CDH20: variants seen among roughly 807,000 people sequenced by gnomAD.
CDH20 encodes cadherin 20, also known as cadherin-20.
Under a neutral mutation model 74.2 loss-of-function variants are expected in CDH20, and 29 were observed. The ratio of observed to expected loss-of-function variants is 0.39; its 90% CI spans 0.29 to 0.53. The LOEUF (loss-of-function observed/expected upper bound fraction) is 0.53, where lower values mean the gene tolerates loss of function less well. Among genes scored for constraint, CDH20 ranks in the 20% least tolerant of loss-of-function variants. The probability of loss-of-function intolerance (pLI) is 0.69; values close to 1 mark genes in which losing one functional copy is unlikely to be tolerated. For missense variants in CDH20, 988 were observed against 1,048.3 expected, an observed-to-expected ratio of 0.94 and a Z score of 0.79; for synonymous variants, 469 against 405.4, an observed-to-expected ratio of 1.16 and a Z score of -1.88.
intron 1 of CDH20, among the ~76,000 whole-genome samples, chr18:61,479,326 G>A (rs1365738558): frequency 3.3e-5 from 5 of 151,930 alleles, no homozygotes; most frequent in African/African-American, 1.2e-4. Context: ...TTATTTATTC[G>A]AGTATTTGCC....
chr18:61,527,366 A>AATAGACAGATAGATAGATAGATAGATG (rs1555683331), intron 6 of CDH20, among the ~76,000 whole-genome samples: 3 of 142,054 alleles, frequency 2.1e-5, no homozygotes, highest in Non-Finnish European at 4.6e-5. Flanking sequence ...TGAATATTCT[A>AATAGACAGATAGATAGATAGATAGATG]ATAGATAGAT....
chr18:61,386,035 A>T (rs1911588454), intron 1 of CDH20, among the ~76,000 whole-genome samples: 1 of 152,200 alleles, frequency 6.6e-6, no homozygotes, highest in South Asian at 2.1e-4. Flanking sequence ...CTTAAAAAAT[A>T]AGGTATGCTT....
intron 1 of CDH20, among the ~76,000 whole-genome samples, chr18:61,454,725 A>G (rs908294467): frequency 1.3e-5 from 2 of 152,116 alleles, no homozygotes; most frequent in Non-Finnish European, 2.9e-5. Context: ...AGCCACCTCC[A>G]ATCATCTTAT....
At chr18:61,441,561 T>C (rs59162850) in intron 1 of CDH20, among the ~76,000 whole-genome samples, 2,699 of 152,252 alleles carry the variant, frequency 0.018, 70 homozygotes, top group African/African-American at 0.06. Flanking sequence ...ATAAATTATA[T>C]TGAAGATAGT....
At chr18:61,497,922 TTAAC>T (rs1018940870) in intron 2 of CDH20, among the ~76,000 whole-genome samples, 3 of 152,120 alleles carry the variant, frequency 2.0e-5, no homozygotes, top group Admixed American at 6.5e-5. Context: ...CTGACTAAAT[TTAAC>T]TAACTGTTTT....
intron 1 of CDH20, among the ~76,000 whole-genome samples, chr18:61,371,857 C>T (rs1322708628): frequency 6.6e-6 from 1 of 152,070 alleles, no homozygotes; most frequent in Non-Finnish European, 1.5e-5. Context: ...ATAGATGACT[C>T]CAGTAGAGGA....
chr18:61,436,413 C>T (rs940202771), intron 1 of CDH20, among the ~76,000 whole-genome samples: 4 of 152,190 alleles, frequency 2.6e-5, no homozygotes, highest in Non-Finnish European at 4.4e-5. Flanking sequence ...TCCTCACCAA[C>T]ACTTGTTATT....
chr18:61,517,960 C>T (rs1256363497), intron 6 of CDH20, among the ~76,000 whole-genome samples: 1 of 152,134 alleles, frequency 6.6e-6, no homozygotes, highest in East Asian at 1.9e-4. Flanking sequence ...TTACTGAAGA[C>T]TGAGTAGGCA....
At chr18:61,530,007 C>A (rs554803382) in intron 7 of CDH20, among the ~76,000 whole-genome samples, 2 of 152,232 alleles carry the variant, frequency 1.3e-5, no homozygotes, top group South Asian at 2.1e-4. Context: ...TGTTCTGGGG[C>A]AGGACTGCAG....
Position 61,490,774 on chromosome 18 carries a change from G to A in CDH20, c.221G>A (p.Gly74Glu). ...TTTTTCGTTCTGGAAGAGTACACTG[G>A]GACCGACCCTTTGTATGTCGGCAAG... ...NQFFVLEEYTGTDPLYVGKLH... is the reference protein window; with the variant it reads ...NQFFVLEEYTETDPLYVGKLH... Residue 74 changes from glycine (G) to glutamate (E), a missense_variant, in exon 2 of 12, where the codon GGG becomes GAG. Transcript: ENST00000262717. 1 of 1,614,100 alleles carries A rather than the reference G, an allele frequency of 6.2e-7. No individual in the cohort carries two copies. Among genetic ancestry groups the A allele is most frequent in the African/African-American group, 1.3e-5 (1 of 75,038 alleles).
At chr18:61,525,105 G>A (rs1912344624) in intron 6 of CDH20, among the ~76,000 whole-genome samples, 1 of 152,024 alleles carries the variant, frequency 6.6e-6, no homozygotes, top group African/African-American at 2.4e-5. Flanking sequence ...GAGGGGAGAG[G>A]TTGACTACAA....
At chr18:61,389,098 C>A (rs970486805) in intron 1 of CDH20, among the ~76,000 whole-genome samples, 9 of 152,194 alleles carry the variant, frequency 5.9e-5, no homozygotes, top group African/African-American at 2.2e-4. Flanking sequence ...AAGGACACTG[C>A]TGCAGGATGG....
intron 1 of CDH20, among the ~76,000 whole-genome samples, chr18:61,456,827 A>C (rs977611652): frequency 1.3e-5 from 2 of 152,124 alleles, no homozygotes; most frequent in Non-Finnish European, 2.9e-5. Flanking sequence ...GTGTCTGGTG[A>C]GGGTTCTCTT....
chr18:61,382,211 T>C (rs1252847154), intron 1 of CDH20, among the ~76,000 whole-genome samples: 1 of 152,222 alleles, frequency 6.6e-6, no homozygotes, highest in Non-Finnish European at 1.5e-5. Context: ...ATAGTATTAT[T>C]GATATAAAGC....
chr18:61,536,546 C>T lies in CDH20; in HGVS notation c.1325C>T (p.Thr442Ile), dbSNP rs199596339. 4.3e-6 allele frequency: 7 copies of T among 1,613,052 alleles called. No individual in the cohort carries two copies. In the East Asian group the frequency reaches 1.1e-4, roughly 26 times the overall value. Reference protein sequence around the residue: ...DPGRFFYVDITTGALMTARPL... With the variant: ...DPGRFFYVDIITGALMTARPL... ...GGAAGATTTTTCTATGTTGACATTA[C>T]AACAGGTGCCCTAATGACAGCAAGA... Residue 442 changes from threonine to isoleucine, a missense_variant, in exon 8 of 12, where the codon ACA becomes ATA. This residue lies in a region of CDH20 where 613 missense variants were observed against 755.2 expected (regional missense o/e 0.81). Coordinates refer to ENST00000262717, the MANE Select transcript of CDH20 (RefSeq NM_031891.4).
At chr18:61,335,373 G>A (rs1390795994) in intron 1 of CDH20, among the ~76,000 whole-genome samples, 1 of 152,202 alleles carries the variant, frequency 6.6e-6, no homozygotes, top group African/African-American at 2.4e-5. Flanking sequence ...GGCTTGGGCA[G>A]CTGATGCAGC....
chr18:61,521,915 A>C (rs1912224067), intron 6 of CDH20, among the ~76,000 whole-genome samples: 1 of 152,180 alleles, frequency 6.6e-6, no homozygotes, highest in South Asian at 2.1e-4. Context: ...TATTGATGGA[A>C]TGTATCTCTA....
At chr18:61,494,783 G>T (rs918000357) in intron 2 of CDH20, among the ~76,000 whole-genome samples, 47 of 152,138 alleles carry the variant, frequency 3.1e-4, no homozygotes, top group Non-Finnish European at 3.8e-4. Flanking sequence ...GCAAAGAGAG[G>T]GATGCTGAGA....
intron 1 of CDH20, among the ~76,000 whole-genome samples, chr18:61,392,787 TAAA>T (rs78892459): frequency 9.6e-4 from 127 of 132,366 alleles, no homozygotes; most frequent in African/African-American, 2.0e-3. Flanking sequence ...ATTACTATGG[TAAA>T]AAAAAAAAAA....
Sources: gnomAD v4.1 joint callset for allele counts (sites outside exome capture counted in the v4.1 genomes callset) on GRCh38, gnomAD v4.1.1 for gene constraint, gnomAD v4.1.1 regional missense constraint, MANE v1.5 for transcripts, NCBI Gene and HGNC (gene_info 2026-07-23, HGNC 2026-07-21) for gene names.